UBE2E2: variants seen among roughly 807,000 people sequenced by gnomAD.
The protein encoded by UBE2E2 is ubiquitin conjugating enzyme E2 E2.
A neutral mutation model predicts 24.7 loss-of-function variants in UBE2E2; 6 were observed. That is an observed-to-expected ratio of 0.24 (90% CI 0.13 to 0.48). The LOEUF is 0.48. Ranked by LOEUF, UBE2E2 falls within the 20% of genes least tolerant of loss-of-function variation. UBE2E2 has a pLI of 0.99. For missense variants in UBE2E2, 169 were observed against 245.0 expected (o/e 0.69, Z 2.07); for synonymous variants, 104 against 83.6 (o/e 1.24, Z -1.33).
intron 3 of UBE2E2, among the ~76,000 whole-genome samples, chr3:23,452,100 A>G (rs1273783557): frequency 6.6e-6 from 1 of 152,176 alleles, no homozygotes; most frequent in Non-Finnish European, 1.5e-5. Flanking sequence ...TTTGGCTGAA[A>G]GTGGGGAAGA....
intron 3 of UBE2E2, among the ~76,000 whole-genome samples, chr3:23,337,279 G>A (rs1695238372): frequency 6.6e-6 from 1 of 152,134 alleles, no homozygotes; most frequent in Admixed American, 6.6e-5. Context: ...TCTATGTATT[G>A]CTGGTAGTTG....
chr3:23,261,681 A>G (rs990702589), intron 3 of UBE2E2, among the ~76,000 whole-genome samples: 15 of 151,996 alleles, frequency 9.9e-5, no homozygotes, highest in African/African-American at 3.6e-4. Flanking sequence ...TATGAGTTCA[A>G]CTGTTTTAGA....
intron 3 of UBE2E2, among the ~76,000 whole-genome samples, chr3:23,436,203 C>T (rs1047302158): frequency 6.6e-6 from 1 of 151,872 alleles, no homozygotes; most frequent in African/African-American, 2.4e-5. Context: ...AAGGCCTTCC[C>T]GATTTTACCA....
At chr3:23,521,386 G>A (rs1694862384) in intron 4 of UBE2E2, among the ~76,000 whole-genome samples, 1 of 152,174 alleles carries the variant, frequency 6.6e-6, no homozygotes, top group Non-Finnish European at 1.5e-5. Context: ...CTCAGCTGTT[G>A]TGCTTCCTAA....
intron 3 of UBE2E2, among the ~76,000 whole-genome samples, chr3:23,454,992 C>G (rs1182546331): frequency 6.6e-6 from 1 of 152,178 alleles, no homozygotes; most frequent in East Asian, 1.9e-4. Flanking sequence ...GACTTGATCC[C>G]TAAGCAGAAT....
At chr3:23,518,519 T>C (rs13064035) in intron 4 of UBE2E2, among the ~76,000 whole-genome samples, 100,826 of 152,176 alleles carry the variant, frequency 0.66, 35,125 homozygotes, top group African/African-American at 0.89. Context: ...AGCTAGTTTA[T>C]GTTTACAGTG....
At chr3:23,462,721 C>T (rs2125426818) in intron 3 of UBE2E2, among the ~76,000 whole-genome samples, 1 of 152,164 alleles carries the variant, frequency 6.6e-6, no homozygotes, top group Admixed American at 6.5e-5. Context: ...CTTCCCGTCT[C>T]ATCTTTTGCA....
chr3:23,499,629 C>T lies in UBE2E2; in HGVS notation c.249C>T (p.Asn83=), dbSNP rs763368963. 1.2e-6 allele frequency: 2 copies of T among 1,613,524 alleles called. No homozygotes were observed. Among genetic ancestry groups the T allele is most frequent in the South Asian group, 2.2e-5 (2 of 90,938 alleles). The stretch of plus-strand genomic sequence containing the variant: ...TCAGTGCTGGACCCAAAGGAGACAA[C>T]ATTTATGAATGGAGGTCAACTATAT... The part of the protein sequence containing the change: ...PNCSAGPKGD[N]IYEWRSTILG... Residue 83 remains asparagine, a synonymous_variant, in exon 4 of 6, where the codon AAC becomes AAT. Transcript: ENST00000396703.
At chr3:23,504,903 A>G (rs1694399588) in intron 4 of UBE2E2, among the ~76,000 whole-genome samples, 1 of 83,362 alleles carries the variant, frequency 1.2e-5, no homozygotes, top group African/African-American at 5.5e-5. Flanking sequence ...TCTGTTTCAG[A>G]CATTCTTTCT....
At chr3:23,384,219 G>T (rs1453126170) in intron 3 of UBE2E2, among the ~76,000 whole-genome samples, 2 of 152,138 alleles carry the variant, frequency 1.3e-5, no homozygotes, top group Non-Finnish European at 2.9e-5. Flanking sequence ...CTGGAGTATA[G>T]TGTCACGAGC....
intron 5 of UBE2E2, among the ~76,000 whole-genome samples, chr3:23,558,466 T>C (rs1462419653): frequency 6.6e-6 from 1 of 152,196 alleles, no homozygotes; most frequent in African/African-American, 2.4e-5. Flanking sequence ...AAAGCAAATC[T>C]GGTAAATGAA....
chr3:23,458,561 G>A (rs1245584236), intron 3 of UBE2E2, among the ~76,000 whole-genome samples: 1 of 152,110 alleles, frequency 6.6e-6, no homozygotes, highest in African/African-American at 2.4e-5. Flanking sequence ...GGGACCACAG[G>A]CGCCCATCAC....
At chr3:23,254,595 TGG>T (rs1454015692) in intron 3 of UBE2E2, among the ~76,000 whole-genome samples, 1 of 152,240 alleles carries the variant, frequency 6.6e-6, no homozygotes, top group African/African-American at 2.4e-5. Context: ...AAGGTATATC[TGG>T]CTTCATTGAA....
intron 3 of UBE2E2, among the ~76,000 whole-genome samples, chr3:23,232,949 G>T: frequency 6.6e-6 from 1 of 152,210 alleles, no homozygotes; most frequent in East Asian, 1.9e-4. Flanking sequence ...GGAAATCTTT[G>T]CCTGAAGGTA....
intron 3 of UBE2E2, among the ~76,000 whole-genome samples, chr3:23,290,280 C>G (rs1698729053): frequency 6.6e-6 from 1 of 152,176 alleles, no homozygotes; most frequent in Admixed American, 6.6e-5. Flanking sequence ...GTGGACCATT[C>G]TTGAAGCTGG....
chr3:23,417,054 G>A (rs1575615456), intron 3 of UBE2E2, among the ~76,000 whole-genome samples: 2 of 152,150 alleles, frequency 1.3e-5, no homozygotes, highest in East Asian at 3.9e-4. Flanking sequence ...ACTTCTGTCA[G>A]TTCATCTAAC....
At chr3:23,580,681 A>G (rs746784683) in intron 5 of UBE2E2, among the ~76,000 whole-genome samples, 6 of 152,228 alleles carry the variant, frequency 3.9e-5, no homozygotes, top group Non-Finnish European at 7.3e-5. Context: ...GATGGGACAC[A>G]TAAGACTGCT....
At chr3:23,438,112 A>G (rs1452390004) in intron 3 of UBE2E2, among the ~76,000 whole-genome samples, 2 of 152,232 alleles carry the variant, frequency 1.3e-5, no homozygotes, top group Non-Finnish European at 2.9e-5. Context: ...GATCACAAAC[A>G]TGAACCAGTA....
intron 3 of UBE2E2, among the ~76,000 whole-genome samples, chr3:23,490,561 A>T (rs974132389): frequency 2.0e-5 from 3 of 152,166 alleles, no homozygotes; most frequent in African/African-American, 7.2e-5. Context: ...GTATCCACAC[A>T]TTGGGAAAAT....
Sources: gnomAD v4.1 joint callset for allele counts (sites outside exome capture counted in the v4.1 genomes callset) on GRCh38, gnomAD v4.1.1 for gene constraint, MANE v1.5 for transcripts, NCBI Gene and HGNC (gene_info 2026-07-23, HGNC 2026-07-21) for gene names.